Variants in TGFBR3 observed in about 807,000 individuals in gnomAD.
TGFBR3 encodes the protein transforming growth factor beta receptor 3.
Under a neutral mutation model 87.9 loss-of-function variants are expected in TGFBR3, and 46 were observed. The ratio of observed to expected loss-of-function variants is 0.52; its 90% CI spans 0.41 to 0.67. The LOEUF is 0.67. Ranked by LOEUF, TGFBR3 falls within the 30% of genes least tolerant of loss-of-function variation. The probability of loss-of-function intolerance (pLI) is 0.00; values close to 1 mark genes in which losing one functional copy is unlikely to be tolerated. For missense variants in TGFBR3, 866 were observed against 1,041.9 expected (o/e 0.83, Z 2.32); for synonymous variants, 381 against 391.6 (o/e 0.97, Z 0.32).
chr1:91,786,420 C>T (rs1202404350), intron 3 of TGFBR3, among the ~76,000 whole-genome samples: 1 of 152,030 alleles, frequency 6.6e-6, no homozygotes, highest in African/African-American at 2.4e-5. Context: ...GAGGAAATGT[C>T]AATAAAATGT....
chr1:91,797,173 T>C, intron 3 of TGFBR3, 114 bp downstream of exon 3: 1 of 1,147,782 alleles, frequency 8.7e-7, no homozygotes, highest in Non-Finnish European at 1.3e-6. Flanking sequence ...TTCTCTTATG[T>C]TCATACATGA....
At chr1:91,860,859 G>A (rs1207498905) in intron 2 of TGFBR3, among the ~76,000 whole-genome samples, 1 of 137,898 alleles carries the variant, frequency 7.3e-6, no homozygotes, top group Non-Finnish European at 1.5e-5. Context: ...TTGAACCCAA[G>A]AGGAGGAGGT....
chr1:91,844,794 CT>C (rs1677410374), intron 2 of TGFBR3, among the ~76,000 whole-genome samples: 1 of 152,298 alleles, frequency 6.6e-6, no homozygotes, highest in East Asian at 1.9e-4. Context: ...ATAATGAGAC[CT>C]TTTAACCATA....
rs760186755 is a variant in TGFBR3, at chr1:91,729,922, T to C, written c.620A>G (p.Asn207Ser). ...GGGTTGAAGGTACTCAGCAAGGTAATTGAGTGAGAGAAAATTCTTCCCTAT... is the reference window on the plus strand; with the variant it reads ...GGGTTGAAGGTACTCAGCAAGGTAACTGAGTGAGAGAAAATTCTTCCCTAT... ...CNIGKNFLSL[N>S]YLAEYLQPKA... Residue 207 changes from asparagine (N) to serine (S), a missense_variant, in exon 6 of 17, where the codon AAT becomes AGT. Coordinates refer to ENST00000212355, the MANE Select transcript of TGFBR3 (RefSeq NM_003243.5). The C allele has an allele frequency of 1.1e-5, 17 of 1,614,006 alleles. No homozygotes were observed. Among genetic ancestry groups the C allele is most frequent in the African/African-American group, 2.7e-5 (2 of 74,890 alleles).
At chr1:91,729,029 A>G (rs1164660775) in intron 6 of TGFBR3, among the ~76,000 whole-genome samples, 1 of 130,036 alleles carries the variant, frequency 7.7e-6, no homozygotes, top group African/African-American at 2.9e-5. Flanking sequence ...GGGCCACTCC[A>G]GCATACACAC....
intron 4 of TGFBR3, among the ~76,000 whole-genome samples, chr1:91,743,820 C>A (rs939290944): frequency 3.9e-5 from 6 of 152,246 alleles, no homozygotes; most frequent in Non-Finnish European, 7.3e-5. Context: ...TGAGCAACCA[C>A]GTGTCTGCCA....
intron 2 of TGFBR3, among the ~76,000 whole-genome samples, chr1:91,854,808 C>G (rs1677875790): frequency 6.6e-6 from 1 of 152,184 alleles, no homozygotes; most frequent in Non-Finnish European, 1.5e-5. Flanking sequence ...AAAAGCATGT[C>G]TAAGTTCTGG....
chr1:91,853,329 G>C (rs1571574351), intron 2 of TGFBR3, among the ~76,000 whole-genome samples: 1 of 139,802 alleles, frequency 7.2e-6, no homozygotes, highest in South Asian at 2.4e-4. Flanking sequence ...AGTTTGCTTT[G>C]AACCTTTGAG....
rs937116739 is a variant in TGFBR3, at chr1:91,719,389, C to T, written c.1489G>A (p.Val497Ile). The change falls in exon 10 of 17, where the codon GTT (valine) becomes ATT (isoleucine). Residue 497 changes from valine (V) to isoleucine (I), a missense_variant. Val to Ile is a conservative substitution (Grantham distance 29). Coordinates refer to ENST00000212355, the MANE Select transcript of TGFBR3 (RefSeq NM_003243.5). ...CKAKMNGTHF[V>I]LESPLNGCGT... Reference sequence around the variant, plus strand: ...CAGCCATTCAGAGGAGACTCCAAAACAAAGTGTGTGCCATTCATCTTGGCC... The same window carrying T: ...CAGCCATTCAGAGGAGACTCCAAAATAAAGTGTGTGCCATTCATCTTGGCC... The T allele has an allele frequency of 3.7e-6, 6 of 1,614,052 alleles. No individual in the cohort carries two copies. The highest frequency in any genetic ancestry group is 1.7e-5 in the Admixed American group (1 of 60,002).
At chr1:91,899,454 T>A (rs1334280965) in intron 2 of TGFBR3, among the ~76,000 whole-genome samples, 1 of 152,006 alleles carries the variant, frequency 6.6e-6, no homozygotes, top group East Asian at 1.9e-4. Context: ...TGCAGTGATC[T>A]GTTATCACAC....
rs547095032 is a variant in TGFBR3, at chr1:91,751,970, T to C, written c.384+6643A>G. Among the ~76,000 whole-genome samples, 4 of 152,282 alleles carry C rather than the reference T, an allele frequency of 2.6e-5. No individual in the cohort carries two copies. In the South Asian group the frequency reaches 8.3e-4, roughly 32 times the overall value. On this transcript the variant is annotated intron_variant, in intron 4 of 16. Transcript: ENST00000212355. ...AGAGTTTAAAAGCTGGGAGGAACTT[T>C]AGAGATGAGCTAGTACGATCCCCTC...
At chr1:91,836,450 C>T (rs1455473967) in intron 2 of TGFBR3, among the ~76,000 whole-genome samples, 3 of 151,160 alleles carry the variant, frequency 2.0e-5, no homozygotes, top group South Asian at 2.1e-4. Context: ...TGTAGCAAAC[C>T]GAGGTTACAC....
At chr1:91,691,691 A>G (rs775059304) in intron 16 of TGFBR3, among the ~76,000 whole-genome samples, 2 of 152,234 alleles carry the variant, frequency 1.3e-5, no homozygotes, top group Non-Finnish European at 2.9e-5. Context: ...ACAGAATGGT[A>G]GCGAAGAAGA....
chr1:91,790,650 C>CT (rs1675153318), intron 3 of TGFBR3, among the ~76,000 whole-genome samples: 1 of 152,202 alleles, frequency 6.6e-6, no homozygotes, highest in Admixed American at 6.5e-5. Context: ...GAGGGGTTTC[C>CT]TTTGACACTT....
chr1:91,747,762 G>A (rs1673394409), intron 4 of TGFBR3, among the ~76,000 whole-genome samples: 1 of 152,180 alleles, frequency 6.6e-6, no homozygotes, highest in African/African-American at 2.4e-5. Context: ...ATCTGGGTGG[G>A]CCTGATTCAA....
intron 2 of TGFBR3, among the ~76,000 whole-genome samples, chr1:91,856,814 G>A (rs925593322): frequency 6.6e-6 from 1 of 152,166 alleles, no homozygotes; most frequent in Admixed American, 6.5e-5. Context: ...CTACTCACCT[G>A]GTATTTAATC....
intron 3 of TGFBR3, among the ~76,000 whole-genome samples, chr1:91,772,358 A>G (rs1416650034): frequency 1.3e-5 from 1 of 75,470 alleles, no homozygotes; most frequent in Non-Finnish European, 2.7e-5. Context: ...TTTAGGATCT[A>G]AAGGGTACCT....
chr1:91,823,517 C>A (rs964730342), intron 2 of TGFBR3, among the ~76,000 whole-genome samples: 1 of 152,208 alleles, frequency 6.6e-6, no homozygotes, highest in Non-Finnish European at 1.5e-5. Flanking sequence ...TATATCCATA[C>A]CGCGGAAAAC....
intron 2 of TGFBR3, among the ~76,000 whole-genome samples, chr1:91,839,440 T>C (rs1345026635): frequency 6.6e-6 from 1 of 152,230 alleles, no homozygotes; most frequent in Non-Finnish European, 1.5e-5. Context: ...TTCCCCAAAA[T>C]ACTGCGTAAT....
Sources: allele counts gnomAD v4.1 joint callset (sites outside exome capture counted in the v4.1 genomes callset), GRCh38; gene constraint gnomAD v4.1.1; transcripts MANE v1.5; gene names NCBI Gene and HGNC (gene_info 2026-07-23, HGNC 2026-07-21).